The following NEK5 variants were observed in gnomAD, a reference collection of about 807,000 sequenced individuals.
NEK5 encodes the protein serine/threonine-protein kinase Nek5.
A neutral mutation model predicts 109.2 loss-of-function variants in NEK5; 88 were observed. The ratio of observed to expected loss-of-function variants is 0.81; its 90% CI spans 0.68 to 0.96. The LOEUF is 0.96. Among genes scored for constraint, NEK5 ranks in the 40% least tolerant of loss-of-function variants. The pLI is 0.00. For missense variants in NEK5, 834 were observed against 920.7 expected, an observed-to-expected ratio of 0.91 and a Z score of 1.22; for synonymous variants, 283 against 299.9, an observed-to-expected ratio of 0.94 and a Z score of 0.58.
intron 23 of NEK5, among the ~76,000 whole-genome samples, chr13:52,037,518 A>G (rs1232295884): frequency 1.3e-5 from 2 of 152,184 alleles, no homozygotes; most frequent in Non-Finnish European, 2.9e-5. Context: ...AGCTCTTACT[A>G]TATGTCCATC....
intron 9 of NEK5, 39 bp downstream of exon 9, chr13:52,104,459 C>G: frequency 2.2e-6 from 3 of 1,395,194 alleles, no homozygotes; most frequent in Non-Finnish European, 3.1e-6. Context: ...TTCTACAATT[C>G]CAATAATTCA....
At chr13:52,105,278 A>C (rs1301572886) in intron 8 of NEK5, among the ~76,000 whole-genome samples, 6 of 109,930 alleles carry the variant, frequency 5.5e-5, no homozygotes, top group Non-Finnish European at 1.1e-4. Flanking sequence ...TGTGTGTCAG[A>C]GAGAAGGAGA....
intron 21 of NEK5, among the ~76,000 whole-genome samples, chr13:52,063,954 G>T (rs1397918168): frequency 6.7e-6 from 1 of 149,156 alleles, no homozygotes; most frequent in Non-Finnish European, 1.5e-5. Context: ...AGGTGGGGGG[G>T]TCAGCCCCCC....
At chr13:52,087,787 G>A (rs755941021) in intron 14 of NEK5, among the ~76,000 whole-genome samples, 6 of 151,736 alleles carry the variant, frequency 4.0e-5, no homozygotes, top group Non-Finnish European at 7.4e-5. Flanking sequence ...CACCACACCC[G>A]GCTAATTTTT....
Position 52,112,359 on chromosome 13 carries a change from C to A in NEK5, c.221G>T (p.Gly74Val). 6.3e-7 allele frequency: 1 copy of A among 1,592,756 alleles called. No individual in the cohort carries two copies. Among genetic ancestry groups the A allele is most frequent in the Non-Finnish European group, 8.6e-7 (1 of 1,161,086 alleles). ...ATATTCCATTACAATAAACAGCCTG[C>A]CATTCTCTGTAAGAAAAGGAATCAT... ...VAFFNSFQEN[G>V]RLFIVMEYCD... is the part of the protein sequence containing the mutation. The change falls in exon 5 of 24, where the codon GGC becomes GTC. Residue 74 changes from glycine (G) to valine (V), a missense_variant. This residue lies in a region of NEK5 where 777 missense variants were observed against 824.7 expected (regional missense o/e 0.94). Transcript: ENST00000684899.
chr13:52,064,225 T>A (rs1279345858), intron 21 of NEK5, among the ~76,000 whole-genome samples: 1 of 92,122 alleles, frequency 1.1e-5, no homozygotes, highest in African/African-American at 4.5e-5. Flanking sequence ...GGGAGGGAGG[T>A]GGGGGGGTCA....
At chr13:52,058,605 A>G (rs1954583597) in intron 22 of NEK5, among the ~76,000 whole-genome samples, 1 of 152,142 alleles carries the variant, frequency 6.6e-6, no homozygotes. Flanking sequence ...CAAAACAGAG[A>G]TATAGATCAA....
At chr13:52,123,216 T>C (rs971215046) in intron 3 of NEK5, among the ~76,000 whole-genome samples, 1 of 152,166 alleles carries the variant, frequency 6.6e-6, no homozygotes, top group Admixed American at 6.5e-5. Flanking sequence ...TAAATGTTAA[T>C]ATTGTGACAC....
chr13:52,075,836 A>G lies in NEK5; in HGVS notation c.1654-10T>C. On this transcript the variant is annotated splice_polypyrimidine_tract_variant and intron_variant, in intron 18 of 23. Coordinates refer to ENST00000684899, the MANE Select transcript of NEK5 (RefSeq NM_001365552.1). ...CAAATTTTACCCCCTTCTAGGAGAAAGCAAAAAAAAAAAAAAAGTTTAGCA... is the reference window on the plus strand; with the variant it reads ...CAAATTTTACCCCCTTCTAGGAGAAGGCAAAAAAAAAAAAAAAGTTTAGCA... The G allele has an allele frequency of 6.8e-7, 1 of 1,470,724 alleles. No homozygotes were observed. Among genetic ancestry groups the G allele is most frequent in the Non-Finnish European group, 9.2e-7 (1 of 1,089,190 alleles). The allele number at this position is 1,470,724 out of a possible 1,614,324, so 91.1% of individuals were successfully genotyped here.
intron 12 of NEK5, among the ~76,000 whole-genome samples, chr13:52,097,127 C>T (rs1448001486): frequency 1.3e-5 from 2 of 152,242 alleles, no homozygotes; most frequent in African/African-American, 4.8e-5. Flanking sequence ...GGAGCCTCCA[C>T]CAAGATCTCA....
At chr13:52,063,792 C>G (rs1474532411) in intron 21 of NEK5, among the ~76,000 whole-genome samples, 1 of 151,702 alleles carries the variant, frequency 6.6e-6, no homozygotes, top group African/African-American at 2.4e-5. Context: ...AGACCCTCCG[C>G]CTGGCAACCG....
intron 17 of NEK5, among the ~76,000 whole-genome samples, chr13:52,076,947 A>T (rs1370618607): frequency 6.6e-6 from 1 of 152,248 alleles, no homozygotes; most frequent in East Asian, 1.9e-4. Context: ...AAATGAGTTA[A>T]CGAATGACAT....
Position 52,036,266 on chromosome 13 carries a change from C to G in NEK5, c.*682G>C, listed in dbSNP as rs2140866459. 1 of 152,330 alleles carries G rather than the reference C, an allele frequency of 6.6e-6. No individual in the cohort carries two copies. Among genetic ancestry groups the G allele is most frequent in the African/African-American group, 2.4e-5 (1 of 41,568 alleles). The allele number at this position is 152,330 out of a possible 1,614,324, so 9.4% of individuals were successfully genotyped here. A position where few individuals can be genotyped will look rare whatever the true frequency, so the allele number is the denominator to read the frequency against. On this transcript the variant is annotated 3_prime_UTR_variant, in exon 24 of 24. Coordinates refer to ENST00000684899, the MANE Select transcript of NEK5 (RefSeq NM_001365552.1). The stretch of plus-strand genomic sequence containing the variant: ...TCTTCCTCTTCCACTTGTAAGGACC[C>G]TTGTGATTACACTGCACCCAGGTGG...
chr13:52,106,410 T>A (rs947000663), intron 8 of NEK5, among the ~76,000 whole-genome samples: 2 of 152,178 alleles, frequency 1.3e-5, no homozygotes, highest in African/African-American at 4.8e-5. Flanking sequence ...AATGAAATTT[T>A]TTTCCTTCTC....
chr13:52,060,053 C>G (rs1457906725), intron 22 of NEK5, among the ~76,000 whole-genome samples: 3 of 151,950 alleles, frequency 2.0e-5, no homozygotes, highest in Admixed American at 6.6e-5. Flanking sequence ...GTAACTTTTT[C>G]TCCTCAAGTT....
chr13:52,079,037 A>G (rs1376319353), intron 17 of NEK5, among the ~76,000 whole-genome samples: 1 of 152,238 alleles, frequency 6.6e-6, no homozygotes, highest in Non-Finnish European at 1.5e-5. Flanking sequence ...TAATGCTTCA[A>G]ACTGACACAG....
chr13:52,086,082 T>A (rs938815637), intron 16 of NEK5, among the ~76,000 whole-genome samples, 195 bp downstream of exon 16: 4 of 152,206 alleles, frequency 2.6e-5, no homozygotes, highest in Non-Finnish European at 5.9e-5. Context: ...TTATCTTGTG[T>A]AGTCTCTCAT....
At chr13:52,082,325 G>GA (rs1955031183) in intron 17 of NEK5, 1 of 1,062,694 alleles carries the variant, frequency 9.4e-7, no homozygotes, top group Admixed American at 3.0e-5. Context: ...AAAAAAAAAA[G>GA]ATAATAATAA....
At chr13:52,112,226 C>T (rs886708359) in intron 5 of NEK5, 42 bp downstream of exon 5, 2 of 1,042,022 alleles carry the variant, frequency 1.9e-6, no homozygotes, top group Non-Finnish European at 3.0e-6. Context: ...TCTCCCCCCA[C>T]CACACATACA....
Sources: allele counts gnomAD v4.1 joint callset (sites outside exome capture counted in the v4.1 genomes callset), GRCh38; gene constraint gnomAD v4.1.1; regional missense constraint gnomAD v4.1.1; transcripts MANE v1.5; gene names NCBI Gene and HGNC (gene_info 2026-07-23, HGNC 2026-07-21).